Variants in NOTO observed in about 807,000 individuals in gnomAD.
The protein encoded by NOTO is notochord homeobox.
NOTO carries 19 observed loss-of-function variants against 20.5 expected under a neutral mutation model. The ratio of observed to expected loss-of-function variants is 0.93; its 90% CI spans 0.65 to 1.36. NOTO has a LOEUF of 1.36. Among genes scored for constraint, NOTO ranks in the 40% most tolerant of loss-of-function variants. NOTO has a pLI of 0.00. For synonymous variants in NOTO, 150 were observed against 150.2 expected (o/e 1.00, Z 0.01); for missense variants, 369 against 336.2 (o/e 1.10, Z -0.76).
rs146178837 is a variant in NOTO, at chr2:73,210,449, A to T, written c.598-322A>T. On this transcript the variant is annotated intron_variant, in intron 2 of 2. Transcript: ENST00000398468. ...TGTTTGTACCCCCTTTTGTGTTTAC[A>T]TAGCTCTTTGTTTGTTTACATGTTT... Among the ~76,000 whole-genome samples, 277 of 152,268 alleles carry T rather than the reference A, an allele frequency of 1.8e-3. 3 individuals are homozygous for T. Among genetic ancestry groups the T allele is most frequent in the Non-Finnish European group, 5.1e-4 (35 of 68,024 alleles).
Position 73,210,833 on chromosome 2 carries a change from A to G in NOTO, c.660A>G (p.Ala220=), listed in dbSNP as rs2103698213. Residue 220 remains alanine, a synonymous_variant, in exon 3 of 3, where the codon GCA becomes GCG. Coordinates refer to ENST00000398468, the MANE Select transcript of NOTO (RefSeq NM_001134462.2). ...AGAAGCAGCAAAAGCTGAGGGCAGC[A>G]GTTACATCTGCCGAGGCTGCCTCCC... ...KYQKQQKLRA[A]VTSAEAASLD... 1 of 1,551,560 alleles carries G rather than the reference A, an allele frequency of 6.4e-7. No homozygotes were observed. Among genetic ancestry groups the G allele is most frequent in the Non-Finnish European group, 8.7e-7 (1 of 1,146,816 alleles).
intron 1 of NOTO, among the ~76,000 whole-genome samples, chr2:73,205,836 C>T (rs867984584): frequency 7.9e-5 from 12 of 151,876 alleles, no homozygotes; most frequent in African/African-American, 2.7e-4. Flanking sequence ...GATGGAATCT[C>T]ACAATGCCTG....
rs1686178828 is a variant in NOTO at position 73,211,393 on chromosome 2, T to C, written c.*464T>C. 1 of 152,312 alleles carries C rather than the reference T, an allele frequency of 6.6e-6. No homozygotes were observed. Among genetic ancestry groups the C allele is most frequent in the Non-Finnish European group, 1.5e-5 (1 of 68,316 alleles). The allele number at this position is 152,312 out of a possible 1,614,324, so 9.4% of individuals were successfully genotyped here. ...ACTTCTGTGACCAAACGTATAGGGG[T>C]GTACCCCACATTCCAACCTCCAGTT... is the stretch of plus-strand genomic sequence containing the variant. On this transcript the variant is annotated 3_prime_UTR_variant, in exon 3 of 3. Transcript: ENST00000398468.
Position 73,211,886 on chromosome 2 carries a change from A to T in NOTO, c.*957A>T, listed in dbSNP as rs895587548. On this transcript the variant is annotated 3_prime_UTR_variant, in exon 3 of 3. Transcript: ENST00000398468. ...GGATTTTAGGAGTTCTATGCCAGGA[A>T]ATCGAGATGAAGACCAAATATATAT... 1 of 152,212 alleles carries T rather than the reference A, an allele frequency of 6.6e-6. No individual in the cohort carries two copies. The highest frequency in any genetic ancestry group is 2.4e-5 in the African/African-American group (1 of 41,438). The allele number at this position is 152,212 out of a possible 1,614,324, so 9.4% of individuals were successfully genotyped here. A position where few individuals can be genotyped will look rare whatever the true frequency, so the allele number is the denominator to read the frequency against.
In NOTO at chr2:73,202,703, G is replaced by T; in HGVS notation, c.37G>T (p.Ala13Ser). 1 of 1,510,874 alleles carries T rather than the reference G, an allele frequency of 6.6e-7. No individual in the cohort carries two copies. Among genetic ancestry groups the T allele is most frequent in the Middle Eastern group, 2.1e-4 (1 of 4,878 alleles). The allele number at this position is 1,510,874 out of a possible 1,614,324, so 93.6% of individuals were successfully genotyped here. The change falls in exon 1 of 3, where the codon GCT (alanine) becomes TCT (serine). Residue 13 changes from alanine (A) to serine (S), a missense_variant. Transcript: ENST00000398468. ...CAGGCCGCGAGGCAGCCCGCCACCC[G>T]CTCCCTCGGGCTCTCGGGTCCGACC... ...SPRPRGSPPPAPSGSRVRPPR... is the reference protein window; with the variant it reads ...SPRPRGSPPPSPSGSRVRPPR...
chr2:73,209,614 C>T lies in NOTO; in HGVS notation c.597+1000C>T, dbSNP rs1173957379. On this transcript the variant is annotated intron_variant, in intron 2 of 2. Transcript: ENST00000398468. ...CTGCCTCCTTGGCAGGCTACTCTTC[C>T]CTTGGGGACCTCGAAATCTCTTCCC... Among the ~76,000 whole-genome samples the T allele has an allele frequency of 2.6e-5, 4 of 152,158 alleles. 1 individual carries two copies. Among genetic ancestry groups the T allele is most frequent in the Non-Finnish European group, 5.9e-5 (4 of 68,036 alleles).
intron 1 of NOTO, among the ~76,000 whole-genome samples, chr2:73,206,048 A>G (rs1381392158): frequency 6.6e-6 from 1 of 151,998 alleles, no homozygotes; most frequent in African/African-American, 2.4e-5. Flanking sequence ...CACATCTTAT[A>G]TGATACTTGG....
At chr2:73,207,787 TC>T (rs1686109408) in intron 1 of NOTO, among the ~76,000 whole-genome samples, 1 of 152,148 alleles carries the variant, frequency 6.6e-6, no homozygotes, top group African/African-American at 2.4e-5. Context: ...ACTCCTGATC[TC>T]AAGCGATCCG....
At chr2:73,204,223 A>G (rs548158480) in intron 1 of NOTO, among the ~76,000 whole-genome samples, 1 of 152,310 alleles carries the variant, frequency 6.6e-6, no homozygotes, top group African/African-American at 2.4e-5. Flanking sequence ...GGTTGCATTA[A>G]GCCGAGATTG....
Position 73,208,466 on chromosome 2 carries a change from A to C in NOTO, c.449A>C (p.Gln150Pro), listed in dbSNP as rs1366220208. ...GACTGGGCCCCAACGGAGGACCTACAGGACACTGAGAGACAGCAAAAGAGA... is the reference window on the plus strand; with the variant it reads ...GACTGGGCCCCAACGGAGGACCTACCGGACACTGAGAGACAGCAAAAGAGA... ...FPDWAPTEDL[Q>P]DTERQQKRVR... Residue 150 changes from glutamine (Q) to proline (P), a missense_variant, in exon 2 of 3, where the codon CAG (glutamine) becomes CCG (proline). Gln to Pro is a moderately conservative substitution (Grantham distance 76, BLOSUM62 -1). Transcript: ENST00000398468. 2 of 1,551,696 alleles carry C rather than the reference A, an allele frequency of 1.3e-6. No individual in the cohort carries two copies. The highest frequency in any genetic ancestry group is 2.4e-5 in the East Asian group (1 of 40,926).
Position 73,212,292 on chromosome 2 carries a change from G to A in NOTO, c.*1363G>A, listed in dbSNP as rs1558549108. 6.6e-6 allele frequency: 1 copy of A among 152,136 alleles called. No homozygotes were observed. The allele number at this position is 152,136 out of a possible 1,614,324, so 9.4% of individuals were successfully genotyped here. On this transcript the variant is annotated 3_prime_UTR_variant, in exon 3 of 3. Coordinates refer to ENST00000398468, the MANE Select transcript of NOTO (RefSeq NM_001134462.2). The stretch of plus-strand genomic sequence containing the variant: ...CCTAAGCAGCTGGGACTACAGGCGC[G>A]TGACACCACGCCTGGCTAATTTTTA...
intron 2 of NOTO, among the ~76,000 whole-genome samples, chr2:73,210,299 C>T (rs1237625873): frequency 6.6e-6 from 1 of 152,200 alleles, no homozygotes; most frequent in East Asian, 1.9e-4. Flanking sequence ...ATTTCAGAGC[C>T]TTCCTACAGG....
At position 73,208,413 on chromosome 2, in the gene NOTO, T is replaced by G. The variant is rs768057065; in HGVS notation, c.396T>G (p.Ala132=). ...GTTGCTCTTTAGGGTTGGAGCTGGC[T>G]CACTGCTCAGGACTCTGGGCCTTCC... ...LGFGVTGLEL[A]HCSGLWAFPD... Residue 132 remains alanine (A), a synonymous_variant, in exon 2 of 3, where the codon GCT becomes GCG. Transcript: ENST00000398468. The G allele has an allele frequency of 5.2e-6, 8 of 1,551,376 alleles. No individual in the cohort carries two copies. The highest frequency in any genetic ancestry group is 7.0e-6 in the Non-Finnish European group (8 of 1,146,772).
Position 73,202,663 on chromosome 2 carries a change from C to A in NOTO, c.-4C>A. On this transcript the variant is annotated 5_prime_UTR_variant, in exon 1 of 3. Transcript: ENST00000398468. ...CTTGCGTCCGTCCGGGCAACGGCCG[C>A]GTCATGCCTAGCCCCAGGCCGCGAG... 6.9e-7 allele frequency: 1 copy of A among 1,455,246 alleles called. No individual in the cohort carries two copies. Among genetic ancestry groups the A allele is most frequent in the East Asian group, 2.8e-5 (1 of 35,164 alleles). 90.1% of individuals were successfully genotyped at this position (1,455,246 alleles called of 1,614,324 possible). A position where few individuals can be genotyped will look rare whatever the true frequency, so the allele number is the denominator to read the frequency against.
intron 1 of NOTO, among the ~76,000 whole-genome samples, chr2:73,203,826 C>T (rs1686043695): frequency 6.6e-6 from 1 of 151,100 alleles, no homozygotes; most frequent in South Asian, 2.1e-4. Flanking sequence ...ATTGGCCGGG[C>T]GCGGTGGCTC....
In NOTO at chr2:73,208,539, G is replaced by A; in HGVS notation, c.522G>A (p.Val174=). 6.4e-7 allele frequency: 1 copy of A among 1,551,652 alleles called. No homozygotes were observed. Among genetic ancestry groups the A allele is most frequent in the South Asian group, 1.2e-5 (1 of 84,064 alleles). Residue 174 remains valine (V), a synonymous_variant, in exon 2 of 3, where the codon GTG becomes GTA. Transcript: ENST00000398468. Reference sequence around the variant, plus strand: ...AGCAGCTGGAAGAGTTGGAGAAAGTGTTTGCAAAACAGCACAATCTGGTGG... The same window carrying A: ...AGCAGCTGGAAGAGTTGGAGAAAGTATTTGCAAAACAGCACAATCTGGTGG... ...NLEQLEELEK[V]FAKQHNLVGK...
chr2:73,210,365 C>T (rs1381431626), intron 2 of NOTO, among the ~76,000 whole-genome samples: 1 of 146,120 alleles, frequency 6.8e-6, no homozygotes, highest in Non-Finnish European at 1.5e-5. Flanking sequence ...GGGCCTCTCT[C>T]TCTTTGAGCC....
In NOTO at chr2:73,211,836, A is replaced by T. The variant is rs553107340; in HGVS notation, c.*907A>T. On this transcript the variant is annotated 3_prime_UTR_variant, in exon 3 of 3. Coordinates refer to ENST00000398468, the MANE Select transcript of NOTO (RefSeq NM_001134462.2). Reference sequence around the variant, plus strand: ...CATCAGTCAACTCATTAGCATATGAAAAGACATCACTTCAGAGATTCTAGG... The same window carrying T: ...CATCAGTCAACTCATTAGCATATGATAAGACATCACTTCAGAGATTCTAGG... 1 of 152,188 alleles carries T rather than the reference A, an allele frequency of 6.6e-6. No homozygotes were observed. The highest frequency in any genetic ancestry group is 2.4e-5 in the African/African-American group (1 of 41,430). 9.4% of individuals were successfully genotyped at this position (152,188 alleles called of 1,614,324 possible).
chr2:73,208,391 G>A lies in NOTO; in HGVS notation c.383-9G>A, dbSNP rs1457360813. 6.5e-7 allele frequency: 1 copy of A among 1,546,440 alleles called. No homozygotes were observed. The highest frequency in any genetic ancestry group is 1.2e-5 in the South Asian group (1 of 83,860). On this transcript the variant is annotated splice_polypyrimidine_tract_variant and intron_variant, in intron 1 of 2. Transcript: ENST00000398468. ...TGGATAACCTCCCCTGCTGCTGGTT[G>A]CTCTTTAGGGTTGGAGCTGGCTCAC...
Sources: allele counts gnomAD v4.1 joint callset (sites outside exome capture counted in the v4.1 genomes callset), GRCh38; gene constraint gnomAD v4.1.1; transcripts MANE v1.5; gene names NCBI Gene and HGNC (gene_info 2026-07-23, HGNC 2026-07-21).